KIF5C: variants seen among roughly 807,000 people sequenced by gnomAD.
The protein encoded by KIF5C is kinesin family member 5C.
KIF5C carries 18 observed loss-of-function variants against 125.2 expected under a neutral mutation model. The ratio of observed to expected loss-of-function variants is 0.14; its 90% CI spans 0.10 to 0.21. The LOEUF (loss-of-function observed/expected upper bound fraction) is 0.21. KIF5C is among the 10% of genes least tolerant of loss of function. KIF5C has a pLI of 1.00. For missense variants in KIF5C, 780 were observed against 1,183.8 expected, an observed-to-expected ratio of 0.66 and a Z score of 5.01; for synonymous variants, 405 against 434.0, an observed-to-expected ratio of 0.93 and a Z score of 0.83.
intron 11 of KIF5C, among the ~76,000 whole-genome samples, chr2:148,967,867 G>GATCT (rs1185635728): frequency 2.6e-5 from 4 of 152,140 alleles, no homozygotes; most frequent in African/African-American, 9.7e-5. Flanking sequence ...TATATATGGA[G>GATCT]ATAGAGTTAA....
chr2:148,891,448 G>A (rs1434662320), intron 1 of KIF5C, among the ~76,000 whole-genome samples: 1 of 151,532 alleles, frequency 6.6e-6, no homozygotes, highest in Non-Finnish European at 1.5e-5. Flanking sequence ...ACAAATCTAG[G>A]CATTAATGTG....
At chr2:149,016,345 G>GGCAACA (rs140659632) in intron 25 of KIF5C, among the ~76,000 whole-genome samples, 6,935 of 152,192 alleles carry the variant, frequency 0.046, 395 homozygotes, top group African/African-American at 0.13. Flanking sequence ...GTAGGAATGG[G>GGCAACA]GTAAGCACTG....
At chr2:148,997,917 C>G (rs187667689) in intron 18 of KIF5C, 2 of 167,970 alleles carry the variant, frequency 1.2e-5, no homozygotes, top group African/African-American at 4.8e-5. Flanking sequence ...AATCATGCGT[C>G]GTGGGAGTCC....
At chr2:148,944,758 T>G in intron 7 of KIF5C, among the ~76,000 whole-genome samples, 1 of 152,222 alleles carries the variant, frequency 6.6e-6, no homozygotes, top group East Asian at 1.9e-4. Context: ...CTGTACCATT[T>G]TCTATTCCTA....
chr2:148,889,157 G>T (rs1681638041), intron 1 of KIF5C, among the ~76,000 whole-genome samples: 1 of 152,148 alleles, frequency 6.6e-6, no homozygotes, highest in East Asian at 1.9e-4. Flanking sequence ...TCCATACAGG[G>T]TCTACTGATT....
rs1274521598 is a variant in KIF5C at position 149,024,411 on chromosome 2, G to C, written c.*1341G>C. On this transcript the variant is annotated 3_prime_UTR_variant, in exon 26 of 26. Coordinates refer to ENST00000435030, the MANE Select transcript of KIF5C (RefSeq NM_004522.3). The stretch of plus-strand genomic sequence containing the variant: ...TCCTATCATGTTGTGTGCCCAAGAT[G>C]AGTGAGCTGGCACTGTGCCCTGAAG... The C allele has an allele frequency of 2.0e-5, 3 of 152,426 alleles. No individual in the cohort carries two copies. The highest frequency in any genetic ancestry group is 2.9e-5 in the Non-Finnish European group (2 of 68,012). 9.4% of individuals were successfully genotyped at this position (152,426 alleles called of 1,614,324 possible).
At chr2:148,976,894 T>C (rs186905849) in intron 12 of KIF5C, among the ~76,000 whole-genome samples, 3 of 152,348 alleles carry the variant, frequency 2.0e-5, no homozygotes, top group Admixed American at 1.3e-4. Context: ...TGTTATTTCA[T>C]GTATAAGAAA....
chr2:148,930,220 G>A (rs921212649), intron 3 of KIF5C, among the ~76,000 whole-genome samples: 1 of 152,128 alleles, frequency 6.6e-6, no homozygotes, highest in African/African-American at 2.4e-5. Context: ...GGCACTTCAG[G>A]GTATGACCCC....
intron 25 of KIF5C, among the ~76,000 whole-genome samples, chr2:149,013,443 T>A (rs990959110): frequency 6.6e-6 from 1 of 152,214 alleles, no homozygotes; most frequent in African/African-American, 2.4e-5. Flanking sequence ...TGGACAGCAC[T>A]GAGCCACATG....
At chr2:148,902,466 G>A (rs1452433948) in intron 1 of KIF5C, among the ~76,000 whole-genome samples, 2 of 152,116 alleles carry the variant, frequency 1.3e-5, no homozygotes, top group Admixed American at 6.5e-5. Context: ...ACAGGCACAC[G>A]CCACCACGCC....
At chr2:148,883,663 C>G (rs565043319) in intron 1 of KIF5C, 5 of 152,172 alleles carry the variant, frequency 3.3e-5, no homozygotes, top group African/African-American at 1.2e-4. Flanking sequence ...GTATAGTATA[C>G]TAAACTAAAT....
intron 23 of KIF5C, among the ~76,000 whole-genome samples, chr2:149,008,487 G>A (rs952872823): frequency 3.9e-5 from 6 of 152,136 alleles, no homozygotes; most frequent in Admixed American, 3.3e-4. Flanking sequence ...GAAACAGACT[G>A]GTGCCTTGCT....
intron 10 of KIF5C, among the ~76,000 whole-genome samples, chr2:148,958,391 A>G (rs1260772204): frequency 6.6e-6 from 1 of 152,124 alleles, no homozygotes; most frequent in Non-Finnish European, 1.5e-5. Context: ...TGGGTGTGGG[A>G]AGGTATCTCA....
intron 1 of KIF5C, among the ~76,000 whole-genome samples, chr2:148,881,143 G>A (rs1349999826): frequency 6.6e-6 from 1 of 151,996 alleles, no homozygotes; most frequent in Non-Finnish European, 1.5e-5. Flanking sequence ...TGTTCCCTTG[G>A]TGACCTTCCT....
chr2:148,966,387 T>C (rs984987457), intron 11 of KIF5C, among the ~76,000 whole-genome samples: 1 of 152,092 alleles, frequency 6.6e-6, no homozygotes, highest in African/African-American at 2.4e-5. Context: ...CTTGTGCTTT[T>C]TCCTACTTGC....
chr2:148,983,555 G>A, intron 14 of KIF5C, 65 bp from the exon 15 acceptor site: 1 of 1,457,338 alleles, frequency 6.9e-7, no homozygotes, highest in Non-Finnish European at 9.1e-7. Flanking sequence ...GTTATTCTTT[G>A]TAATGTGGAG....
chr2:148,990,636 G>A (rs532071531), intron 15 of KIF5C, among the ~76,000 whole-genome samples: 2 of 152,268 alleles, frequency 1.3e-5, no homozygotes, highest in Admixed American at 6.5e-5. Context: ...ATCACCTTTC[G>A]GAGCATTGGG....
intron 4 of KIF5C, 49 bp from the exon 5 acceptor site, chr2:148,941,561 G>T (rs1478510550): frequency 3.9e-6 from 6 of 1,548,276 alleles, no homozygotes; most frequent in African/African-American, 1.4e-5. Flanking sequence ...TGGCATTTTT[G>T]AAATACACTG....
At chr2:148,992,172 C>T (rs987477965) in intron 16 of KIF5C, among the ~76,000 whole-genome samples, 3 of 152,224 alleles carry the variant, frequency 2.0e-5, no homozygotes, top group Admixed American at 2.0e-4. Context: ...TCTCCAACCT[C>T]TCTGTCTAAA....
Sources: gnomAD v4.1 joint callset for allele counts (sites outside exome capture counted in the v4.1 genomes callset) on GRCh38, gnomAD v4.1.1 for gene constraint, MANE v1.5 for transcripts, NCBI Gene and HGNC (gene_info 2026-07-23, HGNC 2026-07-21) for gene names.